The following PARP15 variants were observed in gnomAD, a reference collection of about 807,000 sequenced individuals.
PARP15 encodes the protein protein mono-ADP-ribosyltransferase PARP15.
A neutral mutation model predicts 62.1 loss-of-function variants in PARP15; 50 were observed. That is an observed-to-expected ratio of 0.81 (90% confidence interval 0.64 to 1.02). The LOEUF (loss-of-function observed/expected upper bound fraction) is 1.02, where lower values mean the gene tolerates loss of function less well. Ranked by LOEUF, PARP15 falls within the 50% of genes least tolerant of loss-of-function variation. PARP15 has a pLI of 0.00. For synonymous variants in PARP15, 309 were observed against 293.1 expected (o/e 1.05, Z -0.55); for missense variants, 820 against 826.5 (o/e 0.99, Z 0.10).
intron 1 of PARP15, among the ~76,000 whole-genome samples, chr3:122,590,994 T>C (rs1171612214): frequency 1.3e-5 from 2 of 152,228 alleles, no homozygotes; most frequent in Admixed American, 6.5e-5. Context: ...CATGATTTGG[T>C]GAGTAAATCT....
At position 122,623,915 on chromosome 3, in the gene PARP15, G is replaced by A. The variant is rs563452225; in HGVS notation, c.1231+2304G>A. Among the ~76,000 whole-genome samples the A allele has an allele frequency of 6.6e-5, 10 of 152,260 alleles. No homozygotes were observed. The South Asian group carries it at 1.2e-3, about 19-fold the overall frequency. Reference sequence around the variant, plus strand: ...TCCTAGCACTTTGCGGGGCTGAGGCGGGTGGATCACTTGATTGCTTGAGGT... The same window carrying A: ...TCCTAGCACTTTGCGGGGCTGAGGCAGGTGGATCACTTGATTGCTTGAGGT... On this transcript the variant is annotated intron_variant, in intron 8 of 11. Coordinates refer to ENST00000464300, the MANE Select transcript of PARP15 (RefSeq NM_001113523.3).
In PARP15 at chr3:122,621,465, T is replaced by G; in HGVS notation, c.1085T>G (p.Phe362Cys). Residue 362 changes from phenylalanine (F) to cysteine (C), a missense_variant, in exon 8 of 12, where the codon TTT becomes TGT. Around this residue, in one of 3 missense-constraint regions of PARP15, gnomAD observed 731 missense variants for 727.7 expected, o/e 1.00. Coordinates refer to ENST00000464300, the MANE Select transcript of PARP15 (RefSeq NM_001113523.3). ...AVLAAQPHRD[F>C]IITPGGCLKC... ...TCAGCTGCACAGCCTCACAGAGATT[T>G]TATAATTACACCAGGTGGATGCTTA... 1 of 1,612,120 alleles carries G rather than the reference T, an allele frequency of 6.2e-7. No homozygotes were observed. Among genetic ancestry groups the G allele is most frequent in the Non-Finnish European group, 8.5e-7 (1 of 1,179,492 alleles).
At chr3:122,601,036 GTTTTTTTTT>G (rs771581231) in intron 1 of PARP15, among the ~76,000 whole-genome samples, 1 of 73,036 alleles carries the variant, frequency 1.4e-5, no homozygotes, top group Non-Finnish European at 2.4e-5. Context: ...GTCTTTTATG[GTTTTTTTTT>G]TTTTTTTTTT....
intron 1 of PARP15, chr3:122,594,405 C>A: frequency 2.8e-6 from 1 of 355,522 alleles, no homozygotes; most frequent in Non-Finnish European, 3.9e-6. Context: ...ATTGAGAAAA[C>A]AATATTGTGT....
chr3:122,625,179 G>A (rs888986009), intron 8 of PARP15, among the ~76,000 whole-genome samples: 1 of 152,162 alleles, frequency 6.6e-6, no homozygotes, highest in Admixed American at 6.5e-5. Context: ...AAATTCATAT[G>A]TTGAAGTCCT....
intron 1 of PARP15, among the ~76,000 whole-genome samples, chr3:122,585,352 GTC>G (rs1933335824): frequency 6.6e-6 from 1 of 152,174 alleles, no homozygotes; most frequent in African/African-American, 2.4e-5. Context: ...GTTTAAATCT[GTC>G]TCTCCAATCT....
intron 2 of PARP15, among the ~76,000 whole-genome samples, chr3:122,609,339 T>A (rs1935399072): frequency 6.6e-6 from 1 of 152,212 alleles, no homozygotes; most frequent in Non-Finnish European, 1.5e-5. Flanking sequence ...TAACCTATTA[T>A]ATGTCCCAGA....
At chr3:122,582,935 G>GTT (rs71270425) in intron 1 of PARP15, among the ~76,000 whole-genome samples, 2,261 of 151,090 alleles carry the variant, frequency 0.015, 50 homozygotes, top group African/African-American at 0.047. Context: ...TGTTTACAGT[G>GTT]TTTTTTTTCT....
intron 1 of PARP15, among the ~76,000 whole-genome samples, chr3:122,602,477 ATC>A (rs1450521861): frequency 6.6e-6 from 1 of 152,120 alleles, no homozygotes; most frequent in East Asian, 1.9e-4. Flanking sequence ...CTCTATCTTC[ATC>A]TCTCACTTCC....
At chr3:122,604,198 T>C (rs1207094503) in intron 1 of PARP15, among the ~76,000 whole-genome samples, 1 of 152,258 alleles carries the variant, frequency 6.6e-6, no homozygotes, top group Admixed American at 6.5e-5. Context: ...AGTTTGATTT[T>C]GATCAAATGA....
At chr3:122,627,325 A>G (rs576662678) in intron 9 of PARP15, among the ~76,000 whole-genome samples, 13 of 152,330 alleles carry the variant, frequency 8.5e-5, no homozygotes, top group Admixed American at 3.3e-4. Flanking sequence ...ATTCTAGCCA[A>G]TATTTATTGA....
intron 4 of PARP15, among the ~76,000 whole-genome samples, chr3:122,613,815 T>A (rs1267511790): frequency 1.8e-5 from 2 of 114,000 alleles, no homozygotes; most frequent in African/African-American, 3.4e-5. Flanking sequence ...GAATCTCAGC[T>A]TTTTTTTTTT....
chr3:122,597,162 C>A (rs991639562), intron 1 of PARP15, among the ~76,000 whole-genome samples: 3 of 152,158 alleles, frequency 2.0e-5, no homozygotes, highest in African/African-American at 7.2e-5. Context: ...TGTGTCCTCA[C>A]GTGGCAGAGA....
chr3:122,594,001 T>C (rs939663158), intron 1 of PARP15, among the ~76,000 whole-genome samples: 2 of 152,192 alleles, frequency 1.3e-5, no homozygotes, highest in African/African-American at 4.8e-5. Context: ...TTAAAACATA[T>C]AGCAATATGA....
intron 4 of PARP15, chr3:122,615,198 G>T: frequency 8.0e-7 from 1 of 1,253,056 alleles, no homozygotes; most frequent in South Asian, 1.3e-5. Flanking sequence ...TCACTCACAC[G>T]ACCAAAATGC....
chr3:122,593,041 A>T (rs1464743272), intron 1 of PARP15, among the ~76,000 whole-genome samples: 2 of 150,530 alleles, frequency 1.3e-5, no homozygotes, highest in African/African-American at 2.5e-5. Flanking sequence ...TTTATCTTCT[A>T]GTCACCTTGA....
intron 1 of PARP15, among the ~76,000 whole-genome samples, chr3:122,605,153 G>A (rs143964719): frequency 3.3e-5 from 5 of 152,256 alleles, no homozygotes; most frequent in African/African-American, 1.2e-4. Flanking sequence ...GGGAGGCAAG[G>A]TTGCTGCTGT....
chr3:122,579,993 CTATATGTATA>C lies in PARP15; in HGVS notation c.186+2146_186+2155del, dbSNP rs1553725401. Among the ~76,000 whole-genome samples the C allele has an allele frequency of 2.8e-5, 2 of 70,874 alleles. 1 individual carries two copies. Among genetic ancestry groups the C allele is most frequent in the Admixed American group, 2.3e-4 (2 of 8,616 alleles). 46.5% of individuals were successfully genotyped at this position (70,874 alleles called of 152,430 possible). A position where few individuals can be genotyped will look rare whatever the true frequency, so the allele number is the denominator to read the frequency against. On this transcript the variant is annotated intron_variant, in intron 1 of 11. Transcript: ENST00000464300. ...GACTCTGTCTGAACAACAACAGCAA[CTATATGTATA>C]TATATATATATATATATATATATAT... is the stretch of plus-strand genomic sequence containing the variant.
rs569767590 is a variant in PARP15 at position 122,583,518 on chromosome 3, T to C, written c.186+5665T>C. Among the ~76,000 whole-genome samples, 19 of 152,302 alleles carry C rather than the reference T, an allele frequency of 1.2e-4. No homozygotes were observed. In the East Asian group the frequency reaches 3.3e-3, roughly 26 times the overall value. On this transcript the variant is annotated intron_variant, in intron 1 of 11. Coordinates refer to ENST00000464300, the MANE Select transcript of PARP15 (RefSeq NM_001113523.3). Reference sequence around the variant, plus strand: ...TTTTTTCATGCCTAGTAATTTTTGATTGGATGCCAGACATTATATGAATTT... The same window carrying C: ...TTTTTTCATGCCTAGTAATTTTTGACTGGATGCCAGACATTATATGAATTT...
Sources: gnomAD v4.1 joint callset for allele counts (sites outside exome capture counted in the v4.1 genomes callset) on GRCh38, gnomAD v4.1.1 for gene constraint, gnomAD v4.1.1 regional missense constraint, MANE v1.5 for transcripts, NCBI Gene and HGNC (gene_info 2026-07-23, HGNC 2026-07-21) for gene names.